Variants in PRKRIP1 observed in about 807,000 individuals in gnomAD.
PRKRIP1 encodes PRKR interacting protein 1.
PRKRIP1 carries 29 observed loss-of-function variants against 29.3 expected under a neutral mutation model. That is an observed-to-expected ratio of 0.99 (90% CI 0.74 to 1.35). PRKRIP1 has a LOEUF of 1.35. Among genes scored for constraint, PRKRIP1 ranks in the 40% most tolerant of loss-of-function variants. The pLI, the probability that PRKRIP1 is intolerant of heterozygous loss-of-function variation, is 0.00. For synonymous variants in PRKRIP1, 90 were observed against 85.1 expected, an observed-to-expected ratio of 1.06 and a Z score of -0.32; for missense variants, 247 against 236.8, an observed-to-expected ratio of 1.04 and a Z score of -0.28.
At chr7:102,423,034 C>T (rs1554573956) in intron 5 of PRKRIP1, 2 of 400,562 alleles carry the variant, frequency 5.0e-6, no homozygotes, top group South Asian at 3.5e-5. Flanking sequence ...TGCTTCCAGT[C>T]CTCCTCTGTT....
At chr7:102,419,417 A>T (rs1796633793) in intron 5 of PRKRIP1, among the ~76,000 whole-genome samples, 1 of 152,194 alleles carries the variant, frequency 6.6e-6, no homozygotes, top group East Asian at 1.9e-4. Flanking sequence ...CCGTCTAAAA[A>T]AAAAATAGCA....
At chr7:102,424,223 T>C (rs1381334740) in intron 5 of PRKRIP1, among the ~76,000 whole-genome samples, 1 of 152,226 alleles carries the variant, frequency 6.6e-6, no homozygotes, top group Non-Finnish European at 1.5e-5. Flanking sequence ...GGGTCTGTAG[T>C]GGGCGTGTGG....
At position 102,425,248 on chromosome 7, in the gene PRKRIP1, G is replaced by T. The variant is rs1478730303; in HGVS notation, c.*137G>T. 6.7e-6 allele frequency: 10 copies of T among 1,503,258 alleles called. No individual in the cohort carries two copies. Among genetic ancestry groups the T allele is most frequent in the Non-Finnish European group, 8.9e-7 (1 of 1,129,528 alleles). The allele number at this position is 1,503,258 out of a possible 1,614,324, so 93.1% of individuals were successfully genotyped here. A position where few individuals can be genotyped will look rare whatever the true frequency, so the allele number is the denominator to read the frequency against. ...GAGCAAAGGAGACCCCTCCCGAGCC[G>T]CTCACAGTCCTGTATTTGGCAGGTT... On this transcript the variant is annotated 3_prime_UTR_variant, in exon 6 of 6. Transcript: ENST00000397912.
rs1052405589 is a variant in PRKRIP1 at position 102,406,565 on chromosome 7, G to A, written c.393-869G>A. On this transcript the variant is annotated intron_variant, in intron 4 of 5. Coordinates refer to ENST00000397912, the MANE Select transcript of PRKRIP1 (RefSeq NM_024653.4). The stretch of plus-strand genomic sequence containing the variant: ...AGAATGGTCGATTCTGAGTTCTTTG[G>A]CCCCTTCTCATGTAGTTGTAAGAGG... Among the ~76,000 whole-genome samples the A allele has an allele frequency of 4.6e-5, 7 of 152,158 alleles. No individual in the cohort carries two copies. In the East Asian group the frequency reaches 1.3e-3, roughly 29 times the overall value.
intron 4 of PRKRIP1, chr7:102,405,989 AGTG>A (rs1182691763): frequency 4.0e-6 from 1 of 248,252 alleles, no homozygotes; most frequent in Non-Finnish European, 8.2e-6. Context: ...TGCTTGAAGA[AGTG>A]GTAGTCGGTT....
Position 102,396,419 on chromosome 7 carries a change from G to T in PRKRIP1, c.8G>T (p.Ser3Ile). 4 of 1,582,014 alleles carry T rather than the reference G, an allele frequency of 2.5e-6. No homozygotes were observed. Among genetic ancestry groups the T allele is most frequent in the African/African-American group, 1.4e-5 (1 of 72,802 alleles). ...TGAAACTGGAAGGCTGCCATGGCTA[G>T]CCCAGCCGCCTCCTCGGTGCGACCA... MA[S>I]PAASSVRPPR... Residue 3 changes from serine to isoleucine, a missense_variant, in exon 1 of 6, where the codon AGC becomes ATC. Physicochemically the swap from Ser to Ile is moderately radical, Grantham distance 142. Transcript: ENST00000397912.
chr7:102,406,134 C>A (rs1432231283), intron 4 of PRKRIP1, among the ~76,000 whole-genome samples: 1 of 152,122 alleles, frequency 6.6e-6, no homozygotes, highest in Admixed American at 6.6e-5. Context: ...TTCTGTTGAT[C>A]AGTGCTGGCT....
Position 102,404,703 on chromosome 7 carries a change from T to C in PRKRIP1, c.392+20T>C, listed in dbSNP as rs1554571635. 6.2e-7 allele frequency: 1 copy of C among 1,603,130 alleles called. No homozygotes were observed. The highest frequency in any genetic ancestry group is 8.5e-7 in the Non-Finnish European group (1 of 1,171,504). On this transcript the variant is annotated intron_variant, in intron 4 of 5. Coordinates refer to ENST00000397912, the MANE Select transcript of PRKRIP1 (RefSeq NM_024653.4). ...GAAGCGGTAAGCGGCATGGCCTAAC[T>C]GTGATGACACTTAAGGGCCAGGGGT...
At chr7:102,398,735 C>T (rs1482405505) in intron 2 of PRKRIP1, among the ~76,000 whole-genome samples, 3 of 152,108 alleles carry the variant, frequency 2.0e-5, no homozygotes, top group Non-Finnish European at 4.4e-5. Context: ...AAGTGAATGT[C>T]GCAATAAAGG....
rs1796257381 is a variant in PRKRIP1 at position 102,407,292 on chromosome 7, C to T, written c.393-142C>T. The T allele has an allele frequency of 1.4e-5, 8 of 580,616 alleles. No individual in the cohort carries two copies. The South Asian group carries it at 2.0e-4, about 15-fold the overall frequency. The allele number at this position is 580,616 out of a possible 1,614,324, so 36.0% of individuals were successfully genotyped here. A position where few individuals can be genotyped will look rare whatever the true frequency, so the allele number is the denominator to read the frequency against. ...TGCAAAAACGGCAATTACTTTTGCACTCACCTAATATTTTTCTTATTTTGT... is the reference window on the plus strand; with the variant it reads ...TGCAAAAACGGCAATTACTTTTGCATTCACCTAATATTTTTCTTATTTTGT... On this transcript the variant is annotated intron_variant, in intron 4 of 5. Transcript: ENST00000397912.
chr7:102,399,521 T>C, intron 2 of PRKRIP1, 27 bp from the exon 3 acceptor site: 1 of 1,583,232 alleles, frequency 6.3e-7, no homozygotes, highest in Non-Finnish European at 8.7e-7. Context: ...GAATTTCATC[T>C]AGAACTGTGG....
At position 102,396,388 on chromosome 7, in the gene PRKRIP1, C is replaced by T. The variant is rs782347738; in HGVS notation, c.-24C>T. On this transcript the variant is annotated 5_prime_UTR_variant, in exon 1 of 6. Coordinates refer to ENST00000397912, the MANE Select transcript of PRKRIP1 (RefSeq NM_024653.4). ...ATACTTGCGCGCCGACGCCGCCGCT[C>T]GCTTGTGAAACTGGAAGGCTGCCAT... 6.6e-7 allele frequency: 1 copy of T among 1,520,860 alleles called. No homozygotes were observed. The highest frequency in any genetic ancestry group is 8.8e-7 in the Non-Finnish European group (1 of 1,140,508). 94.2% of individuals were successfully genotyped at this position (1,520,860 alleles called of 1,614,324 possible). A position where few individuals can be genotyped will look rare whatever the true frequency, so the allele number is the denominator to read the frequency against.
chr7:102,426,647 G>A lies in PRKRIP1; in HGVS notation c.*1536G>A, dbSNP rs1485982371. The stretch of plus-strand genomic sequence containing the variant: ...ACACGGAGAGTCAGCCCTAATAAAT[G>A]AGCACATGCCCTGGCTGTACATTTT... On this transcript the variant is annotated 3_prime_UTR_variant, in exon 6 of 6. Transcript: ENST00000397912. 1 of 152,708 alleles carries A rather than the reference G, an allele frequency of 6.5e-6. No homozygotes were observed. Among genetic ancestry groups the A allele is most frequent in the Non-Finnish European group, 1.5e-5 (1 of 68,122 alleles). The allele number at this position is 152,708 out of a possible 1,614,324, so 9.5% of individuals were successfully genotyped here.
chr7:102,423,966 C>T (rs929003778), intron 5 of PRKRIP1, among the ~76,000 whole-genome samples: 2 of 152,264 alleles, frequency 1.3e-5, no homozygotes, highest in Non-Finnish European at 2.9e-5. Context: ...CCGGCTTCCC[C>T]GTTTGAACTT....
intron 5 of PRKRIP1, among the ~76,000 whole-genome samples, chr7:102,414,333 C>T (rs1248536428): frequency 6.6e-6 from 1 of 152,098 alleles, no homozygotes; most frequent in African/African-American, 2.4e-5. Flanking sequence ...TCTTAGTCTC[C>T]ATGTGCACAT....
intron 5 of PRKRIP1, among the ~76,000 whole-genome samples, chr7:102,422,415 A>T (rs782460154): frequency 8.7e-5 from 13 of 149,098 alleles, no homozygotes; most frequent in Non-Finnish European, 3.0e-5. Flanking sequence ...GCTTGCTGCA[A>T]CCTCCATCCA....
intron 5 of PRKRIP1, among the ~76,000 whole-genome samples, chr7:102,409,902 T>C (rs1361200302): frequency 2.0e-5 from 3 of 152,200 alleles, no homozygotes; most frequent in African/African-American, 7.2e-5. Context: ...TTGGTTTTGC[T>C]GCTTATCATT....
intron 4 of PRKRIP1, among the ~76,000 whole-genome samples, chr7:102,405,108 G>A (rs1396021696): frequency 1.3e-5 from 2 of 152,032 alleles, no homozygotes; most frequent in African/African-American, 2.4e-5. Context: ...TATATTTTTA[G>A]TAGAGACGAG....
In PRKRIP1 at chr7:102,396,396, A is replaced by C; in HGVS notation, c.-16A>C. 1 of 1,537,866 alleles carries C rather than the reference A, an allele frequency of 6.5e-7. No homozygotes were observed. The highest frequency in any genetic ancestry group is 8.7e-7 in the Non-Finnish European group (1 of 1,148,690). On this transcript the variant is annotated 5_prime_UTR_variant, in exon 1 of 6. Transcript: ENST00000397912. ...GCGCCGACGCCGCCGCTCGCTTGTGAAACTGGAAGGCTGCCATGGCTAGCC... is the reference window on the plus strand; with the variant it reads ...GCGCCGACGCCGCCGCTCGCTTGTGCAACTGGAAGGCTGCCATGGCTAGCC...
Sources: gnomAD v4.1 joint callset for allele counts (sites outside exome capture counted in the v4.1 genomes callset) on GRCh38, gnomAD v4.1.1 for gene constraint, MANE v1.5 for transcripts, NCBI Gene and HGNC (gene_info 2026-07-23, HGNC 2026-07-21) for gene names.